CAMTA1: variants seen among roughly 807,000 people sequenced by gnomAD.
CAMTA1 encodes calmodulin binding transcription activator 1.
Under a neutral mutation model 170.9 loss-of-function variants are expected in CAMTA1, and 27 were observed. The ratio of observed to expected loss-of-function variants is 0.16; its 90% CI spans 0.12 to 0.22. CAMTA1 has a LOEUF of 0.22. Ranked by LOEUF, CAMTA1 falls within the 10% of genes least tolerant of loss-of-function variation. CAMTA1 has a pLI of 1.00. For missense variants in CAMTA1, 1,619 were observed against 2,217.2 expected, an observed-to-expected ratio of 0.73 and a Z score of 5.42; for synonymous variants, 833 against 891.5, an observed-to-expected ratio of 0.93 and a Z score of 1.17.
chr1:7,149,535 C>T (rs1039123150), intron 4 of CAMTA1, among the ~76,000 whole-genome samples: 1 of 152,198 alleles, frequency 6.6e-6, no homozygotes, highest in Admixed American at 6.5e-5. Flanking sequence ...GGTGCTTCAC[C>T]TTTGGGCCTG....
intron 3 of CAMTA1, among the ~76,000 whole-genome samples, chr1:6,838,514 AACCACTCTGAACTCT>A (rs1654220724): frequency 6.6e-6 from 1 of 152,162 alleles, no homozygotes; most frequent in South Asian, 2.1e-4. Flanking sequence ...GAGATGGCCA[AACCACTCTGAACTCT>A]ACCATCTGAA....
At chr1:7,231,173 C>T (rs1662729525) in intron 4 of CAMTA1, among the ~76,000 whole-genome samples, 1 of 152,166 alleles carries the variant, frequency 6.6e-6, no homozygotes, top group Non-Finnish European at 1.5e-5. Flanking sequence ...CTCCTGGCCC[C>T]TTGACGTGGG....
At chr1:7,073,213 C>T (rs1443586214) in intron 3 of CAMTA1, among the ~76,000 whole-genome samples, 1 of 152,072 alleles carries the variant, frequency 6.6e-6, no homozygotes, top group Non-Finnish European at 1.5e-5. Flanking sequence ...CAGGGTGGTG[C>T]TGTCATCTAC....
chr1:6,918,389 C>T lies in CAMTA1; in HGVS notation c.234+93179C>T, dbSNP rs1381254017. On this transcript the variant is annotated intron_variant, in intron 3 of 22. Coordinates refer to ENST00000303635, the MANE Select transcript of CAMTA1 (RefSeq NM_015215.4). The surrounding 1 kb of genome is among the most constrained non-coding windows in gnomAD (Gnocchi z 4.0). ...GGTAATCTATGCAAAGGCCCCTCAG[C>T]TGCCCTGCATCCATCATCCCAAGTG... 6.6e-6 allele frequency among the ~76,000 whole-genome samples: 1 copy of T among 152,216 alleles called. No homozygotes were observed. Among genetic ancestry groups the T allele is most frequent in the Non-Finnish European group, 1.5e-5 (1 of 68,032 alleles).
chr1:6,870,872 G>A (rs1052001295), intron 3 of CAMTA1, among the ~76,000 whole-genome samples: 3 of 152,174 alleles, frequency 2.0e-5, no homozygotes, highest in Non-Finnish European at 2.9e-5. Context: ...AGATGATTGT[G>A]TTATGATACT....
At chr1:7,369,002 A>T (rs2086230967) in intron 5 of CAMTA1, 2 of 152,400 alleles carry the variant, frequency 1.3e-5, no homozygotes, top group East Asian at 1.9e-4. Flanking sequence ...GTCAAAGCTG[A>T]CATGTTGCCC....
chr1:7,639,935 C>CGTGTGAGGGG (rs1222096490), intron 6 of CAMTA1, among the ~76,000 whole-genome samples: 1 of 152,106 alleles, frequency 6.6e-6, no homozygotes, highest in Admixed American at 6.5e-5. Flanking sequence ...GGGGGCATCC[C>CGTGTGAGGGG]GCAAGCTGTG....
chr1:6,811,365 T>G (rs957365250), intron 1 of CAMTA1, among the ~76,000 whole-genome samples: 12 of 152,268 alleles, frequency 7.9e-5, no homozygotes, highest in African/African-American at 2.9e-4. Context: ...TTATGTTGTA[T>G]GTAGCTTATT....
chr1:7,417,187 C>A (rs1187156012), intron 5 of CAMTA1, among the ~76,000 whole-genome samples: 1 of 152,274 alleles, frequency 6.6e-6, no homozygotes, highest in Non-Finnish European at 1.5e-5. Context: ...TCTGCCCCTA[C>A]TGGGGGGTGC....
intron 3 of CAMTA1, among the ~76,000 whole-genome samples, chr1:6,938,527 T>C (rs1403380979): frequency 6.6e-6 from 1 of 152,162 alleles, no homozygotes; most frequent in Non-Finnish European, 1.5e-5. Flanking sequence ...TGGCGGGCCT[T>C]GGGAAAGAAG....
At chr1:7,359,201 G>A (rs2085355093) in intron 5 of CAMTA1, among the ~76,000 whole-genome samples, 1 of 151,950 alleles carries the variant, frequency 6.6e-6, no homozygotes, top group African/African-American at 2.4e-5. Context: ...CCCTTTTCCA[G>A]TGAGTCTCTG....
In CAMTA1 at chr1:7,532,015, A is replaced by C. The variant is rs1285315823; in HGVS notation, c.510+64114A>C. ...GCTTCACACCATGCTAGTCCTTTAG[A>C]TGTTCAATACCATGAAGGAAATGAA... is the stretch of plus-strand genomic sequence containing the variant. On this transcript the variant is annotated intron_variant, in intron 6 of 22. Transcript: ENST00000303635. This position sits in a 1 kb window ranked among gnomAD's most constrained non-coding sequence, Gnocchi z 4.2. 6.6e-6 allele frequency among the ~76,000 whole-genome samples: 1 copy of C among 152,226 alleles called. No individual in the cohort carries two copies. Among genetic ancestry groups the C allele is most frequent in the Non-Finnish European group, 1.5e-5 (1 of 68,048 alleles).
intron 4 of CAMTA1, among the ~76,000 whole-genome samples, chr1:7,112,964 T>C (rs555194263): frequency 2.6e-5 from 4 of 152,364 alleles, no homozygotes; most frequent in Non-Finnish European, 4.4e-5. Flanking sequence ...TTTCTCATGC[T>C]GCTTCCTTCA....
In CAMTA1 at chr1:7,443,715, T is replaced by G. The variant is rs1557724179; in HGVS notation, c.439-24115T>G. Among the ~76,000 whole-genome samples, 1 of 152,226 alleles carries G rather than the reference T, an allele frequency of 6.6e-6. No individual in the cohort carries two copies. The highest frequency in any genetic ancestry group is 1.9e-4 in the East Asian group (1 of 5,158). ...GTGAGCTGATGCCAGAGGTGGGTTT[T>G]GTAGATGTGGAGGTTTGGTAAGAAG... On this transcript the variant is annotated intron_variant, in intron 5 of 22. Coordinates refer to ENST00000303635, the MANE Select transcript of CAMTA1 (RefSeq NM_015215.4). The surrounding 1 kb of genome is among the most constrained non-coding windows in gnomAD (Gnocchi z 4.1).
Position 7,710,802 on chromosome 1 carries a change from CT to C in CAMTA1, c.2915-21645del, listed in dbSNP as rs538837526. ...TATGGCAGCAGCAAGATGGCCCACT[CT>C]GAGCTACAGGCTTATCGTCTGCCAA... On this transcript the variant is annotated intron_variant, in intron 11 of 22. Coordinates refer to ENST00000303635, the MANE Select transcript of CAMTA1 (RefSeq NM_015215.4). 1.3e-4 allele frequency among the ~76,000 whole-genome samples: 20 copies of C among 152,110 alleles called. 1 individual carries two copies. In the South Asian group the frequency reaches 4.2e-3, roughly 32 times the overall value.
intron 1 of CAMTA1, among the ~76,000 whole-genome samples, chr1:6,787,656 T>C (rs1639801753): frequency 6.6e-6 from 1 of 152,222 alleles, no homozygotes; most frequent in Non-Finnish European, 1.5e-5. Context: ...AGCAGAAGAA[T>C]CACGGATAAA....
intron 5 of CAMTA1, among the ~76,000 whole-genome samples, chr1:7,413,466 C>T (rs1437986208): frequency 3.3e-5 from 5 of 152,186 alleles, no homozygotes; most frequent in Admixed American, 1.3e-4. Context: ...TGAAGAGGTC[C>T]TTCATGTCCC....
At chr1:7,017,119 G>A (rs1343704699) in intron 3 of CAMTA1, among the ~76,000 whole-genome samples, 1 of 152,168 alleles carries the variant, frequency 6.6e-6, no homozygotes, top group Non-Finnish European at 1.5e-5. Flanking sequence ...AAGTTGCTAG[G>A]TAGGCCCCGA....
intron 6 of CAMTA1, among the ~76,000 whole-genome samples, chr1:7,616,234 C>T (rs762201677): frequency 6.6e-5 from 10 of 152,186 alleles, no homozygotes; most frequent in Non-Finnish European, 2.9e-5. Flanking sequence ...ATTGCACAAA[C>T]GGAATTCAAA....
Sources: gnomAD v4.1 joint callset for allele counts (sites outside exome capture counted in the v4.1 genomes callset) on GRCh38, gnomAD v4.1.1 for gene constraint, Gnocchi (gnomAD v3.1) non-coding constraint, MANE v1.5 for transcripts, NCBI Gene and HGNC (gene_info 2026-07-23, HGNC 2026-07-21) for gene names.